The following TENM3 variants were observed in gnomAD, a reference collection of about 807,000 sequenced individuals.
The protein encoded by TENM3 is teneurin transmembrane protein 3.
In TENM3, 63 loss-of-function variants were observed where a neutral mutation model predicts 255.1. The observed-to-expected ratio is 0.25, with a 90% CI of 0.20 to 0.30. The LOEUF (loss-of-function observed/expected upper bound fraction) is 0.30. Ranked by LOEUF, TENM3 falls within the 10% of genes least tolerant of loss-of-function variation. The pLI is 1.00. For missense variants in TENM3, 2,929 were observed against 3,461.1 expected (o/e 0.85, Z 3.86); for synonymous variants, 1,306 against 1,322.3 (o/e 0.99, Z 0.27).
At chr4:181,490,682 C>A in the TENM3 span, among the ~76,000 whole-genome samples, 1 of 152,056 alleles carries the variant, frequency 6.6e-6, no homozygotes, top group Non-Finnish European at 1.5e-5. Flanking sequence ...AGTAAAAACA[C>A]CCTGCATATT....
At chr4:182,350,774 T>C (rs1257018317) in intron 3 of TENM3, among the ~76,000 whole-genome samples, 3 of 152,152 alleles carry the variant, frequency 2.0e-5, no homozygotes, top group Non-Finnish European at 2.9e-5. Flanking sequence ...AACCTCTGCC[T>C]CCTGGGTTCA....
At chr4:182,070,149 G>A in the TENM3 span, among the ~76,000 whole-genome samples, 242 of 152,294 alleles carry the variant, frequency 1.6e-3, no homozygotes, top group Admixed American at 2.5e-3. Context: ...AGGCACAGGT[G>A]GGGGAAGGCC....
chr4:181,509,731 T>C, the TENM3 span, among the ~76,000 whole-genome samples: 3 of 152,186 alleles, frequency 2.0e-5, no homozygotes, highest in Non-Finnish European at 4.4e-5. Flanking sequence ...ACGGAGGTGC[T>C]AAGGGTGAGG....
At chr4:182,458,495 G>T in intron 3 of TENM3, among the ~76,000 whole-genome samples, 1 of 152,054 alleles carries the variant, frequency 6.6e-6, no homozygotes, top group East Asian at 1.9e-4. Context: ...TGGAAAAGTC[G>T]CTGGACTTTT....
chr4:182,738,199 T>G (rs1160908041), intron 17 of TENM3, among the ~76,000 whole-genome samples: 2 of 152,086 alleles, frequency 1.3e-5, no homozygotes, highest in South Asian at 4.1e-4. Context: ...ATTAAATCAG[T>G]GGAAAATAAT....
the TENM3 span, among the ~76,000 whole-genome samples, chr4:181,959,619 C>A: frequency 3.3e-5 from 5 of 152,178 alleles, no homozygotes; most frequent in African/African-American, 1.2e-4. Flanking sequence ...CACACCATAC[C>A]TTTTAATCTT....
chr4:181,887,634 C>T, the TENM3 span, among the ~76,000 whole-genome samples: 59,379 of 152,012 alleles, frequency 0.39, 11,823 homozygotes, highest in Middle Eastern at 0.46. Flanking sequence ...TTCTTCACGA[C>T]AAAATTTTAA....
At chr4:181,806,766 T>C in the TENM3 span, among the ~76,000 whole-genome samples, 1 of 152,216 alleles carries the variant, frequency 6.6e-6, no homozygotes. Flanking sequence ...ACGTGTTCTG[T>C]TATAGCAGCA....
At chr4:182,057,600 T>C in the TENM3 span, among the ~76,000 whole-genome samples, 5 of 151,718 alleles carry the variant, frequency 3.3e-5, no homozygotes, top group Non-Finnish European at 7.4e-5. Flanking sequence ...GGGTTCTCAC[T>C]ATGTTGCCCA....
intron 1 of TENM3, among the ~76,000 whole-genome samples, chr4:182,163,557 A>G (rs930365262): frequency 2.6e-5 from 4 of 152,170 alleles, no homozygotes; most frequent in Non-Finnish European, 2.9e-5. Context: ...TTCTGCCCCC[A>G]TGCTGCTATA....
chr4:182,357,385 T>G (rs1765627156), intron 3 of TENM3, among the ~76,000 whole-genome samples: 1 of 152,108 alleles, frequency 6.6e-6, no homozygotes, highest in African/African-American at 2.4e-5. Context: ...ACCTGTTGTT[T>G]CCTGACTTTT....
chr4:181,572,376 A>C, the TENM3 span, among the ~76,000 whole-genome samples: 1 of 152,216 alleles, frequency 6.6e-6, no homozygotes, highest in African/African-American at 2.4e-5. Context: ...AAAAATAAGA[A>C]GATATATAAA....
chr4:181,795,204 T>G, the TENM3 span, among the ~76,000 whole-genome samples: 31,671 of 152,006 alleles, frequency 0.21, 3,502 homozygotes, highest in East Asian at 0.4. Context: ...CTACACTGAG[T>G]GGTTTAAATA....
chr4:181,539,591 G>T, the TENM3 span, among the ~76,000 whole-genome samples: 1 of 152,142 alleles, frequency 6.6e-6, no homozygotes, highest in East Asian at 1.9e-4. Context: ...TTCATTTGAA[G>T]TGTAAAAATG....
intron 3 of TENM3, among the ~76,000 whole-genome samples, chr4:182,493,895 G>T (rs1002309225): frequency 3.3e-5 from 5 of 151,994 alleles, no homozygotes; most frequent in African/African-American, 7.2e-5. Flanking sequence ...AATAATATTG[G>T]TTTTTTAAAA....
At chr4:181,881,405 G>A in the TENM3 span, among the ~76,000 whole-genome samples, 5 of 152,028 alleles carry the variant, frequency 3.3e-5, no homozygotes, top group Non-Finnish European at 5.9e-5. Context: ...TAGTTCAGAA[G>A]ACAGACAAAA....
the TENM3 span, among the ~76,000 whole-genome samples, chr4:181,864,467 A>C: frequency 6.6e-6 from 1 of 152,184 alleles, no homozygotes; most frequent in African/African-American, 2.4e-5. Flanking sequence ...AAAGAAAAAG[A>C]AAGAGAGTTG....
At chr4:182,684,096 G>A (rs564834284) in intron 11 of TENM3, among the ~76,000 whole-genome samples, 4 of 151,540 alleles carry the variant, frequency 2.6e-5, no homozygotes, top group South Asian at 4.2e-4. Context: ...GATGAATTCC[G>A]TTTGGATACT....
intron 3 of TENM3, among the ~76,000 whole-genome samples, chr4:182,382,111 A>G (rs1430714970): frequency 6.6e-6 from 1 of 152,208 alleles, no homozygotes; most frequent in Admixed American, 6.5e-5. Context: ...TTGGTTGACT[A>G]TCTATGGCTA....
Sources: allele counts gnomAD v4.1 joint callset (sites outside exome capture counted in the v4.1 genomes callset), GRCh38; gene constraint gnomAD v4.1.1; transcripts MANE v1.5; gene names NCBI Gene and HGNC (gene_info 2026-07-23, HGNC 2026-07-21).